Variants in SHLD1 observed in about 807,000 individuals in gnomAD.
SHLD1 encodes RINN1-REV7-interacting novel NHEJ regulator 3.
A neutral mutation model predicts 5.5 loss-of-function variants in SHLD1; 3 were observed. The ratio of observed to expected loss-of-function variants is 0.54; its 90% confidence interval spans 0.25 to 1.40. The LOEUF (loss-of-function observed/expected upper bound fraction) is 1.40. SHLD1 is among the 40% of genes most tolerant of loss of function. The pLI is 0.15. For synonymous variants in SHLD1, 92 were observed against 94.3 expected (o/e 0.98, Z 0.14); for missense variants, 210 against 244.4 (o/e 0.86, Z 0.94).
At chr20:5,817,397 TCTC>T (rs1476609586) in intron 2 of SHLD1, among the ~76,000 whole-genome samples, 1 of 51,660 alleles carries the variant, frequency 1.9e-5, no homozygotes, top group Non-Finnish European at 5.2e-5. Flanking sequence ...GGATATTTTC[TCTC>T]TCTCTCTCTC....
At chr20:5,848,962 A>G (rs2087965614) in intron 2 of SHLD1, among the ~76,000 whole-genome samples, 1 of 152,214 alleles carries the variant, frequency 6.6e-6, no homozygotes, top group Admixed American at 6.5e-5. Context: ...CTGTGGTTTC[A>G]AAAGCACCTG....
At chr20:5,844,799 A>ATATATATATTTTTTTT (rs1460082835) in intron 2 of SHLD1, among the ~76,000 whole-genome samples, 2 of 71,692 alleles carry the variant, frequency 2.8e-5, no homozygotes, top group African/African-American at 8.4e-5. Flanking sequence ...ATATATATAT[A>ATATATATATTTTTTTT]TTTTTTTTTT....
chr20:5,770,213 G>C (rs1281512827), intron 1 of SHLD1, among the ~76,000 whole-genome samples: 3 of 152,034 alleles, frequency 2.0e-5, no homozygotes, highest in Non-Finnish European at 2.9e-5. Context: ...AAAACTTTTG[G>C]AAGAACATTC....
rs1265366386 is a variant in SHLD1, at chr20:5,806,658, A to G, written c.178+33615A>G. On this transcript the variant is annotated intron_variant, in intron 2 of 2. Transcript: ENST00000303142. This position sits in a 1 kb window ranked among gnomAD's most constrained non-coding sequence, Gnocchi z 7.6. Reference sequence around the variant, plus strand: ...AGGGCAGTGGCGCCTGCTTCTGGCCATGGACAGAGAGATTCAGCATCACCA... The same window carrying G: ...AGGGCAGTGGCGCCTGCTTCTGGCCGTGGACAGAGAGATTCAGCATCACCA... Among the ~76,000 whole-genome samples the G allele has an allele frequency of 6.6e-6, 1 of 152,242 alleles. No homozygotes were observed. Among genetic ancestry groups the G allele is most frequent in the African/African-American group, 2.4e-5 (1 of 41,462 alleles).
intron 2 of SHLD1, among the ~76,000 whole-genome samples, chr20:5,805,888 A>T (rs2087367897): frequency 6.6e-6 from 1 of 152,222 alleles, no homozygotes; most frequent in African/African-American, 2.4e-5. Flanking sequence ...GACATGAGCC[A>T]CTGCGCCTGG....
At chr20:5,850,332 C>T (rs1342583615) in intron 2 of SHLD1, among the ~76,000 whole-genome samples, 1 of 151,626 alleles carries the variant, frequency 6.6e-6, no homozygotes, top group African/African-American at 2.4e-5. Flanking sequence ...GAGCCTAACC[C>T]CATTTCTTCC....
intron 2 of SHLD1, among the ~76,000 whole-genome samples, chr20:5,818,815 G>T (rs984737348): frequency 6.6e-6 from 1 of 152,064 alleles, no homozygotes; most frequent in Admixed American, 6.5e-5. Context: ...GTGACTCCAG[G>T]GCTCAATCTG....
At chr20:5,834,725 A>C (rs2087769782) in intron 2 of SHLD1, among the ~76,000 whole-genome samples, 1 of 152,198 alleles carries the variant, frequency 6.6e-6, no homozygotes. Context: ...CTATAACAAA[A>C]TACTGTAGAT....
chr20:5,786,336 G>A (rs2087058761), intron 2 of SHLD1, among the ~76,000 whole-genome samples: 1 of 152,202 alleles, frequency 6.6e-6, no homozygotes, highest in Non-Finnish European at 1.5e-5. Context: ...CAGCACTTTG[G>A]GAAGCCGAGA....
At chr20:5,827,196 C>T (rs1371287768) in intron 2 of SHLD1, among the ~76,000 whole-genome samples, 1 of 152,244 alleles carries the variant, frequency 6.6e-6, no homozygotes. Flanking sequence ...GTGCTCGCAG[C>T]AGCTGTGTGG....
At chr20:5,790,143 A>G (rs1383063728) in intron 2 of SHLD1, among the ~76,000 whole-genome samples, 3 of 152,130 alleles carry the variant, frequency 2.0e-5, no homozygotes, top group East Asian at 1.9e-4. Context: ...CCCTGCCTAC[A>G]TTCACTGGGG....
At chr20:5,804,966 A>G (rs2087351961) in intron 2 of SHLD1, among the ~76,000 whole-genome samples, 1 of 152,228 alleles carries the variant, frequency 6.6e-6, no homozygotes, top group Non-Finnish European at 1.5e-5. Context: ...AGCATTCCAC[A>G]GTGATCAGCT....
intron 1 of SHLD1, among the ~76,000 whole-genome samples, chr20:5,766,982 A>T (rs529805941): frequency 7.6e-4 from 116 of 152,212 alleles, no homozygotes; most frequent in African/African-American, 2.6e-3. Flanking sequence ...GCTGCATAGG[A>T]TGCCATAATT....
At chr20:5,767,122 ATTTTC>A (rs60269759) in intron 1 of SHLD1, among the ~76,000 whole-genome samples, 40,492 of 149,186 alleles carry the variant, frequency 0.27, 6,130 homozygotes, top group East Asian at 0.62. Flanking sequence ...CTCCATTCAC[ATTTTC>A]TTTTCTTTTC....
At chr20:5,764,188 ATATT>A (rs1984682710) in intron 1 of SHLD1, among the ~76,000 whole-genome samples, 1 of 53,244 alleles carries the variant, frequency 1.9e-5, no homozygotes, top group Admixed American at 2.8e-4. Flanking sequence ...TTATATATAT[ATATT>A]TTATATATAT....
intron 2 of SHLD1, among the ~76,000 whole-genome samples, chr20:5,815,935 T>C (rs1390809372): frequency 6.6e-6 from 1 of 151,712 alleles, no homozygotes; most frequent in Non-Finnish European, 1.5e-5. Flanking sequence ...ACAAAAATTA[T>C]CCAGGTGTGG....
chr20:5,815,937 C>G (rs111859563), intron 2 of SHLD1, among the ~76,000 whole-genome samples: 313 of 151,560 alleles, frequency 2.1e-3, no homozygotes, highest in Non-Finnish European at 2.3e-3. Flanking sequence ...AAAAATTATC[C>G]AGGTGTGGTG....
intron 2 of SHLD1, among the ~76,000 whole-genome samples, chr20:5,848,979 C>G (rs1308812066): frequency 6.6e-6 from 1 of 152,174 alleles, no homozygotes; most frequent in Non-Finnish European, 1.5e-5. Flanking sequence ...CCTGACCAAA[C>G]CATCCATCCC....
At chr20:5,843,565 G>A (rs1048143992) in intron 2 of SHLD1, among the ~76,000 whole-genome samples, 5 of 152,122 alleles carry the variant, frequency 3.3e-5, no homozygotes, top group Non-Finnish European at 5.9e-5. Flanking sequence ...ACCCTGTGTG[G>A]ACGTTGAAGC....
Sources: gnomAD v4.1 joint callset for allele counts (sites outside exome capture counted in the v4.1 genomes callset) on GRCh38, gnomAD v4.1.1 for gene constraint, Gnocchi (gnomAD v3.1) non-coding constraint, MANE v1.5 for transcripts, NCBI Gene and HGNC (gene_info 2026-07-23, HGNC 2026-07-21) for gene names.